The following WDTC1 variants were observed in gnomAD, a reference collection of about 807,000 sequenced individuals.
WDTC1 encodes the protein WD and tetratricopeptide repeats protein 1.
WDTC1 carries 12 observed loss-of-function variants against 76.0 expected under a neutral mutation model. The ratio of observed to expected loss-of-function variants is 0.16; its 90% CI spans 0.10 to 0.26. WDTC1 has a LOEUF of 0.26. Among genes scored for constraint, WDTC1 ranks in the 10% least tolerant of loss-of-function variants. The probability of loss-of-function intolerance (pLI) is 1.00; values close to 1 mark genes in which losing one functional copy is unlikely to be tolerated. For missense variants in WDTC1, 511 were observed against 908.8 expected (o/e 0.56, Z 5.63); for synonymous variants, 326 against 350.8 (o/e 0.93, Z 0.79).
rs377585210 is a variant in WDTC1 at position 27,287,718 on chromosome 1, C to T, written c.336C>T (p.Ala112=). 1.2e-5 allele frequency: 20 copies of T among 1,614,012 alleles called. No individual in the cohort carries two copies. The highest frequency in any genetic ancestry group is 4.4e-5 in the South Asian group (4 of 91,040). ...ACCGCATCTTGATCACGGGGGCAGC[C>T]GACTCTAAGGTGCATGTGCACGACC... ...AGDRILITGA[A]DSKVHVHDLT... The change falls in exon 6 of 16, where the codon GCC becomes GCT. Residue 112 remains alanine (A), a synonymous_variant. Coordinates refer to ENST00000319394, the MANE Select transcript of WDTC1 (RefSeq NM_001276252.2).
intron 3 of WDTC1, among the ~76,000 whole-genome samples, chr1:27,276,766 A>T (rs1364527824): frequency 1.3e-5 from 2 of 151,050 alleles, no homozygotes; most frequent in African/African-American, 2.4e-5. Context: ...GTGGTATCTC[A>T]TTGTGGTTTT....
At chr1:27,269,606 G>GTTTTTTTTTTTTTTTGTTTTTTTT (rs56885576) in intron 3 of WDTC1, among the ~76,000 whole-genome samples, 3 of 119,466 alleles carry the variant, frequency 2.5e-5, no homozygotes, top group Admixed American at 1.1e-4. Context: ...TTTGTTTTTT[G>GTTTTTTTTTTTTTTTGTTTTTTTT]TTTTTTTTTT....
intron 5 of WDTC1, among the ~76,000 whole-genome samples, chr1:27,285,996 GTTTTTTTTT>G (rs5773184): frequency 1.6e-5 from 1 of 63,278 alleles, no homozygotes; most frequent in East Asian, 5.3e-4. Context: ...CAGGATGGTG[GTTTTTTTTT>G]TTTTTTTTTT....
chr1:27,296,928 C>A, intron 10 of WDTC1, 120 bp from the exon 11 acceptor site: 2 of 885,354 alleles, frequency 2.3e-6, no homozygotes, highest in Non-Finnish European at 3.6e-6. Flanking sequence ...GGATCTTACT[C>A]TGGGAGAACA....
At chr1:27,270,435 G>C (rs569687270) in intron 3 of WDTC1, among the ~76,000 whole-genome samples, 1 of 152,174 alleles carries the variant, frequency 6.6e-6, no homozygotes, top group East Asian at 1.9e-4. Flanking sequence ...GGCAAGTGCT[G>C]TAATCCCAGC....
intron 1 of WDTC1, among the ~76,000 whole-genome samples, chr1:27,257,439 C>T (rs1281883560): frequency 2.0e-5 from 3 of 152,134 alleles, no homozygotes. Context: ...ATACTCACTT[C>T]TTTGGTGTTA....
At chr1:27,238,267 T>A (rs1382037967) in intron 1 of WDTC1, among the ~76,000 whole-genome samples, 1 of 114,734 alleles carries the variant, frequency 8.7e-6, no homozygotes, top group Non-Finnish European at 1.8e-5. Context: ...GGGAACATGA[T>A]ACCTCATTCA....
intron 5 of WDTC1, among the ~76,000 whole-genome samples, chr1:27,286,466 CCTTT>C (rs1163884777): frequency 6.9e-6 from 1 of 144,988 alleles, no homozygotes; most frequent in Non-Finnish European, 1.5e-5. Context: ...TGGATTATTT[CCTTT>C]TTTTTTTTTT....
At chr1:27,273,978 A>C (rs1379252438) in intron 3 of WDTC1, among the ~76,000 whole-genome samples, 3 of 152,158 alleles carry the variant, frequency 2.0e-5, no homozygotes, top group African/African-American at 7.2e-5. Flanking sequence ...TTCAAAATAG[A>C]AAGTTTAAAT....
At position 27,298,062 on chromosome 1, in the gene WDTC1, A is replaced by G; in HGVS notation, c.1183A>G (p.Asn395Asp). 6.2e-7 allele frequency: 1 copy of G among 1,613,704 alleles called. No homozygotes were observed. The highest frequency in any genetic ancestry group is 8.5e-7 in the Non-Finnish European group (1 of 1,179,704). Residue 395 changes from asparagine (N) to aspartate (D), a missense_variant, in exon 12 of 16, where the codon AAT becomes GAT. By Grantham distance (23) the Asn-to-Asp change is conservative. Transcript: ENST00000319394. ...YSKAVQRAPH[N>D]AMLYGNRAAA... ...CAAGGCTGTGCAGAGGGCCCCTCACAATGCCATGCTTTATGGAAACCGAGC... is the reference window on the plus strand; with the variant it reads ...CAAGGCTGTGCAGAGGGCCCCTCACGATGCCATGCTTTATGGAAACCGAGC...
chr1:27,237,179 T>C (rs2011507563), intron 1 of WDTC1, among the ~76,000 whole-genome samples: 1 of 152,090 alleles, frequency 6.6e-6, no homozygotes, highest in Non-Finnish European at 1.5e-5. Context: ...CTCACTCTGT[T>C]GCCTGGGCTG....
chr1:27,301,144 A>C lies in WDTC1; in HGVS notation c.1233-82A>C. ...CTGTCAGTGGTGGGCTGGGGTGGCCACAGGAAGCAGAGGAGACTGAATGGG... is the reference window on the plus strand; with the variant it reads ...CTGTCAGTGGTGGGCTGGGGTGGCCCCAGGAAGCAGAGGAGACTGAATGGG... On this transcript the variant is annotated intron_variant, in intron 12 of 15. Coordinates refer to ENST00000319394, the MANE Select transcript of WDTC1 (RefSeq NM_001276252.2). This position sits in a 1 kb window ranked among gnomAD's most constrained non-coding sequence, Gnocchi z 5.8. The C allele has an allele frequency of 7.8e-7, 1 of 1,283,564 alleles. No individual in the cohort carries two copies. Among genetic ancestry groups the C allele is most frequent in the Non-Finnish European group, 1.1e-6 (1 of 908,190 alleles). 79.5% of individuals were successfully genotyped at this position (1,283,564 alleles called of 1,614,324 possible).
At position 27,292,232 on chromosome 1, in the gene WDTC1, A is replaced by G; in HGVS notation, c.497A>G (p.Glu166Gly). 6.3e-7 allele frequency: 1 copy of G among 1,597,760 alleles called. No individual in the cohort carries two copies. Residue 166 changes from glutamate (E) to glycine (G), a missense_variant, in exon 7 of 16, where the codon GAG becomes GGG. Coordinates refer to ENST00000319394, the MANE Select transcript of WDTC1 (RefSeq NM_001276252.2). ...TCTCACAGCCAGTATGACCTTCGAG[A>G]GAACAGCAAACACTCGGAGGTGCTG... ...DGLIRQYDLR[E>G]NSKHSEVLID...
chr1:27,304,880 G>GT (rs2013915143), intron 14 of WDTC1, 121 bp from the exon 15 acceptor site: 2 of 976,294 alleles, frequency 2.0e-6, no homozygotes, highest in African/African-American at 3.3e-5. Flanking sequence ...ACACCCCAGC[G>GT]TGTGGGGGAC....
At chr1:27,237,819 C>T (rs1372065414) in intron 1 of WDTC1, among the ~76,000 whole-genome samples, 2 of 149,090 alleles carry the variant, frequency 1.3e-5, no homozygotes, top group Admixed American at 1.3e-4. Flanking sequence ...TGTGATCGTG[C>T]CATTGCACTC....
At chr1:27,267,869 A>G (rs1352169105) in intron 3 of WDTC1, among the ~76,000 whole-genome samples, 1 of 152,176 alleles carries the variant, frequency 6.6e-6, no homozygotes, top group East Asian at 1.9e-4. Flanking sequence ...ATCCATACCA[A>G]TAGACATGTA....
At position 27,301,901 on chromosome 1, in the gene WDTC1, C is replaced by T. The variant is rs1430128309; in HGVS notation, c.1468+440C>T. Among the ~76,000 whole-genome samples, 1 of 152,162 alleles carries T rather than the reference C, an allele frequency of 6.6e-6. No individual in the cohort carries two copies. Among genetic ancestry groups the T allele is most frequent in the Non-Finnish European group, 1.5e-5 (1 of 68,030 alleles). On this transcript the variant is annotated intron_variant, in intron 13 of 15. Transcript: ENST00000319394. The surrounding 1 kb of genome is among the most constrained non-coding windows in gnomAD (Gnocchi z 5.8). ...CAATAGCGCAGAGCAGTAGAAATGCCTCAGGCTTGGAATGTGGGGCCTCGG... is the reference window on the plus strand; with the variant it reads ...CAATAGCGCAGAGCAGTAGAAATGCTTCAGGCTTGGAATGTGGGGCCTCGG...
At chr1:27,285,944 T>C (rs577265328) in intron 5 of WDTC1, among the ~76,000 whole-genome samples, 1 of 151,854 alleles carries the variant, frequency 6.6e-6, no homozygotes, top group South Asian at 2.1e-4. Flanking sequence ...GCTGTTTTTT[T>C]CTTATCAGAT....
intron 7 of WDTC1, 60 bp from the exon 8 acceptor site, chr1:27,293,962 G>C: frequency 6.6e-7 from 1 of 1,523,448 alleles, no homozygotes; most frequent in Non-Finnish European, 9.0e-7. Flanking sequence ...AGTGAGTGTG[G>C]TCTGGTCTAG....
Sources: gnomAD v4.1 joint callset for allele counts (sites outside exome capture counted in the v4.1 genomes callset) on GRCh38, gnomAD v4.1.1 for gene constraint, Gnocchi (gnomAD v3.1) non-coding constraint, MANE v1.5 for transcripts, NCBI Gene and HGNC (gene_info 2026-07-23, HGNC 2026-07-21) for gene names.